The following RAD54B variants were observed in gnomAD, a reference collection of about 807,000 sequenced individuals.
RAD54B encodes RAD54 homolog B.
Under a neutral mutation model 95.8 loss-of-function variants are expected in RAD54B, and 78 were observed. That is an observed-to-expected ratio of 0.81 (90% CI 0.68 to 0.98). The LOEUF (loss-of-function observed/expected upper bound fraction) is 0.98, where lower values mean the gene tolerates loss of function less well. Among genes scored for constraint, RAD54B ranks in the 50% least tolerant of loss-of-function variants. The pLI is 0.00. For missense variants in RAD54B, 957 were observed against 1,056.6 expected (o/e 0.91, Z 1.31); for synonymous variants, 328 against 354.9 (o/e 0.92, Z 0.85).
At chr8:94,436,682 G>C (rs867756203) in intron 3 of RAD54B, 2 of 1,550,614 alleles carry the variant, frequency 1.3e-6, no homozygotes, top group East Asian at 2.4e-5. Context: ...TGTGCTGTTC[G>C]AGGAGGGCGG....
At chr8:94,411,612 A>G (rs1334815674) in intron 3 of RAD54B, among the ~76,000 whole-genome samples, 1 of 152,090 alleles carries the variant, frequency 6.6e-6, no homozygotes, top group South Asian at 2.1e-4. Flanking sequence ...TCTAAAAATT[A>G]AGAAATTATT....
At chr8:94,384,301 G>C (rs1810816325) in intron 11 of RAD54B, among the ~76,000 whole-genome samples, 3 of 152,144 alleles carry the variant, frequency 2.0e-5, no homozygotes, top group African/African-American at 4.8e-5. Flanking sequence ...ACATACAATG[G>C]AATATTGTTT....
chr8:94,400,560 C>G, intron 6 of RAD54B, 97 bp from the exon 7 acceptor site: 2 of 996,706 alleles, frequency 2.0e-6, no homozygotes, highest in Non-Finnish European at 2.9e-6. Context: ...TGTAATGACA[C>G]TGAAGACTTT....
chr8:94,413,424 A>G (rs1205868594), intron 3 of RAD54B, among the ~76,000 whole-genome samples: 1 of 152,194 alleles, frequency 6.6e-6, no homozygotes, highest in Non-Finnish European at 1.5e-5. Context: ...ATTTTCAACA[A>G]AGGTAGGGAA....
At chr8:94,443,738 G>A (rs1812454646) in intron 3 of RAD54B, among the ~76,000 whole-genome samples, 1 of 151,728 alleles carries the variant, frequency 6.6e-6, no homozygotes, top group African/African-American at 2.4e-5. Flanking sequence ...TCAATACTGA[G>A]TTCCAGAAAC....
At chr8:94,449,330 A>T (rs1010942621) in intron 3 of RAD54B, among the ~76,000 whole-genome samples, 5 of 151,938 alleles carry the variant, frequency 3.3e-5, no homozygotes, top group African/African-American at 1.2e-4. Flanking sequence ...TCTGGTGGCC[A>T]GGTGCAGTGG....
chr8:94,376,427 A>G (rs1810573100), intron 14 of RAD54B, among the ~76,000 whole-genome samples: 1 of 152,074 alleles, frequency 6.6e-6, no homozygotes, highest in Non-Finnish European at 1.5e-5. Context: ...TTCTTTGAAA[A>G]GAAGACTGAA....
chr8:94,407,422 T>G lies in RAD54B; in HGVS notation c.781+17A>C. ...GACAGTAAAAACAGAAAATTCAAAT[T>G]ATTTTTAAAATCTTACTTGGCGTAT... On this transcript the variant is annotated intron_variant, in intron 5 of 14. Coordinates refer to ENST00000336148, the MANE Select transcript of RAD54B (RefSeq NM_012415.3). 1 of 1,561,556 alleles carries G rather than the reference T, an allele frequency of 6.4e-7. No homozygotes were observed. The highest frequency in any genetic ancestry group is 8.7e-7 in the Non-Finnish European group (1 of 1,152,390).
At chr8:94,422,656 A>T (rs1184893558) in intron 3 of RAD54B, among the ~76,000 whole-genome samples, 1 of 125,566 alleles carries the variant, frequency 8.0e-6, no homozygotes, top group African/African-American at 3.0e-5. Flanking sequence ...ATATATATAA[A>T]ATTATCAGTG....
At chr8:94,454,661 T>C (rs1812740667) in intron 3 of RAD54B, among the ~76,000 whole-genome samples, 1 of 152,198 alleles carries the variant, frequency 6.6e-6, no homozygotes, top group South Asian at 2.1e-4. Flanking sequence ...TATTTGAATA[T>C]GGGAAACCTT....
intron 2 of RAD54B, among the ~76,000 whole-genome samples, chr8:94,461,896 G>A (rs768444978): frequency 6.6e-6 from 1 of 152,048 alleles, no homozygotes; most frequent in Non-Finnish European, 1.5e-5. Context: ...CTAATCCACA[G>A]TCTATATTCA....
intron 10 of RAD54B, 131 bp from the exon 11 acceptor site, chr8:94,387,290 A>C: frequency 1.4e-6 from 1 of 704,030 alleles, no homozygotes; most frequent in Non-Finnish European, 2.3e-6. Context: ...ACTGTTAGGT[A>C]AATCTTTATA....
chr8:94,429,016 A>T, intron 3 of RAD54B: 5 of 983,478 alleles, frequency 5.1e-6, no homozygotes, highest in Non-Finnish European at 6.0e-6. Context: ...GGGGAGGTAG[A>T]CAATGAGGAG....
intron 3 of RAD54B, chr8:94,436,955 C>T: frequency 6.9e-7 from 1 of 1,450,062 alleles, no homozygotes; most frequent in Non-Finnish European, 9.1e-7. Context: ...AGAAAAAGAT[C>T]AGGCTTAACT....
In RAD54B at chr8:94,399,513, G is replaced by T; in HGVS notation, c.1279C>A (p.Leu427Ile). The stretch of plus-strand genomic sequence containing the variant: ...CGATGCCCCTCGTCACAGATTAGAA[G>T]ATCAAATTTTATATTCTTAATTTGA... The part of the protein sequence containing the change: ...LDQIKNIKFD[L>I]LICDEGHRLK... Residue 427 changes from leucine (L) to isoleucine (I), a missense_variant, in exon 8 of 15, where the codon CTT (leucine) becomes ATT (isoleucine). Leu to Ile is a conservative substitution (Grantham distance 5). Transcript: ENST00000336148. 1 of 1,613,466 alleles carries T rather than the reference G, an allele frequency of 6.2e-7. No individual in the cohort carries two copies. Among genetic ancestry groups the T allele is most frequent in the Non-Finnish European group, 8.5e-7 (1 of 1,179,652 alleles).
At position 94,465,383 on chromosome 8, in the gene RAD54B, G is replaced by A. The variant is rs764673416; in HGVS notation, c.135+2022C>T. The stretch of plus-strand genomic sequence containing the variant: ...GACATTTTTCCAAAGATATACAAAT[G>A]GCCAATAAGCACATGAAAAGATGCT... On this transcript the variant is annotated intron_variant, in intron 2 of 14. Coordinates refer to ENST00000336148, the MANE Select transcript of RAD54B (RefSeq NM_012415.3). 2.6e-5 allele frequency among the ~76,000 whole-genome samples: 4 copies of A among 152,144 alleles called. 1 individual carries two copies. The South Asian group carries it at 6.2e-4, about 24-fold the overall frequency.
intron 11 of RAD54B, among the ~76,000 whole-genome samples, chr8:94,383,866 T>C (rs1241340294): frequency 2.6e-5 from 4 of 152,200 alleles, no homozygotes; most frequent in East Asian, 1.9e-4. Flanking sequence ...ATCAAAAAAA[T>C]AGAAAGTAAC....
intron 3 of RAD54B, among the ~76,000 whole-genome samples, chr8:94,424,180 T>C (rs1419540868): frequency 6.6e-6 from 1 of 152,236 alleles, no homozygotes; most frequent in Admixed American, 6.5e-5. Context: ...ACTTTTCTTT[T>C]GCAGAACAGC....
At chr8:94,439,825 T>C (rs1043403559) in intron 3 of RAD54B, among the ~76,000 whole-genome samples, 15 of 152,210 alleles carry the variant, frequency 9.9e-5, no homozygotes, top group African/African-American at 3.1e-4. Flanking sequence ...CCAAGTTTTA[T>C]TGTGCAGAGG....
Sources: gnomAD v4.1 joint callset for allele counts (sites outside exome capture counted in the v4.1 genomes callset) on GRCh38, gnomAD v4.1.1 for gene constraint, MANE v1.5 for transcripts, NCBI Gene and HGNC (gene_info 2026-07-23, HGNC 2026-07-21) for gene names.